LARP1B: variants seen among roughly 807,000 people sequenced by gnomAD.
LARP1B encodes the protein la-related protein 1B.
In LARP1B, 76 loss-of-function variants were observed where a neutral mutation model predicts 114.2. The observed-to-expected ratio is 0.67, with a 90% CI of 0.55 to 0.81. LARP1B has a LOEUF of 0.81. Ranked by LOEUF, LARP1B falls within the 30% of genes least tolerant of loss-of-function variation. LARP1B has a pLI of 0.00. For missense variants in LARP1B, 1,014 were observed against 1,075.8 expected, an observed-to-expected ratio of 0.94 and a Z score of 0.80; for synonymous variants, 345 against 348.0, an observed-to-expected ratio of 0.99 and a Z score of 0.10.
intron 4 of LARP1B, among the ~76,000 whole-genome samples, chr4:128,079,564 A>G (rs1316071107): frequency 2.0e-5 from 3 of 151,546 alleles, no homozygotes; most frequent in African/African-American, 7.3e-5. Flanking sequence ...TTAAATTTAA[A>G]AATGTTTTTA....
chr4:128,089,470 G>A (rs1291472785), intron 5 of LARP1B, among the ~76,000 whole-genome samples: 1 of 151,444 alleles, frequency 6.6e-6, no homozygotes, highest in African/African-American at 2.4e-5. Flanking sequence ...CGAGTAGCTG[G>A]GATTACCGGC....
intron 8 of LARP1B, among the ~76,000 whole-genome samples, chr4:128,099,479 G>T (rs754811468): frequency 2.6e-5 from 4 of 151,818 alleles, no homozygotes; most frequent in Non-Finnish European, 4.4e-5. Flanking sequence ...TAGAGACAGG[G>T]TTTCCCAATG....
chr4:128,213,971 C>G (rs888307450), downstream of LARP1B, among the ~76,000 whole-genome samples: 1 of 151,618 alleles, frequency 6.6e-6, no homozygotes, highest in East Asian at 1.9e-4. Flanking sequence ...CGAAGCAGGG[C>G]GAGGCATTGC....
chr4:128,129,436 A>G (rs1790853968), intron 11 of LARP1B, among the ~76,000 whole-genome samples: 1 of 152,024 alleles, frequency 6.6e-6, no homozygotes, highest in South Asian at 2.1e-4. Flanking sequence ...ATGTCATGTC[A>G]GTTCTTTCCA....
At chr4:128,197,827 T>C (rs1578639840) in intron 15 of LARP1B, among the ~76,000 whole-genome samples, 1 of 151,964 alleles carries the variant, frequency 6.6e-6, no homozygotes, top group Non-Finnish European at 1.5e-5. Context: ...AAGTTGCTAG[T>C]TTGCCTTATA....
chr4:128,162,294 T>C lies in LARP1B; in HGVS notation c.1625T>C (p.Val542Ala). 2 of 1,613,200 alleles carry C rather than the reference T, an allele frequency of 1.2e-6. No individual in the cohort carries two copies. Among genetic ancestry groups the C allele is most frequent in the South Asian group, 2.2e-5 (2 of 91,028 alleles). The change falls in exon 12 of 20, where the codon GTA becomes GCA. Residue 542 changes from valine to alanine, a missense_variant. Physicochemically the swap from Val to Ala is moderately conservative, Grantham distance 64. Transcript: ENST00000326639. ...TTTGAGCCAAACCAAGAAGTTCCTG[T>C]AGCACCTTCACAGTCCAGGCAAGGT... The part of the protein sequence containing the change: ...LPFEPNQEVP[V>A]APSQSRQGGV...
chr4:128,185,736 G>A (rs75670891), intron 15 of LARP1B, among the ~76,000 whole-genome samples: 2,679 of 152,058 alleles, frequency 0.018, 65 homozygotes, highest in East Asian at 0.11. Context: ...TGTGCTTTTA[G>A]CATCTAACAC....
intron 11 of LARP1B, among the ~76,000 whole-genome samples, chr4:128,128,859 C>A (rs963735643): frequency 1.3e-5 from 2 of 152,036 alleles, no homozygotes; most frequent in African/African-American, 4.8e-5. Flanking sequence ...AGGATTACTA[C>A]AAAACCCTGA....
chr4:128,201,237 G>A (rs1755839305), intron 17 of LARP1B, among the ~76,000 whole-genome samples: 1 of 152,198 alleles, frequency 6.6e-6, no homozygotes. Flanking sequence ...AGTCCATACA[G>A]ACCAGTCCTG....
intron 8 of LARP1B, among the ~76,000 whole-genome samples, chr4:128,099,804 C>G (rs775795032): frequency 2.0e-5 from 3 of 151,966 alleles, no homozygotes; most frequent in Non-Finnish European, 4.4e-5. Context: ...ATATGCCTAT[C>G]TTTATAAGAA....
intron 15 of LARP1B, among the ~76,000 whole-genome samples, chr4:128,195,536 A>C (rs1185891867): frequency 5.9e-5 from 9 of 152,184 alleles, no homozygotes; most frequent in African/African-American, 2.2e-4. Flanking sequence ...ACTGTGCTCA[A>C]CATTTTACAT....
intron 1 of LARP1B, among the ~76,000 whole-genome samples, chr4:128,073,813 A>T (rs1766689044): frequency 6.6e-6 from 1 of 150,820 alleles, no homozygotes; most frequent in Non-Finnish European, 1.5e-5. Flanking sequence ...CTGGTCTCAA[A>T]CTCCTGACTC....
At chr4:128,146,115 A>G (rs1730232844) in intron 11 of LARP1B, among the ~76,000 whole-genome samples, 2 of 152,180 alleles carry the variant, frequency 1.3e-5, no homozygotes, top group South Asian at 4.1e-4. Context: ...TCTAATACAC[A>G]TCAGTTCCAT....
At chr4:128,117,238 C>T (rs1350100994) in intron 10 of LARP1B, among the ~76,000 whole-genome samples, 2 of 149,682 alleles carry the variant, frequency 1.3e-5, no homozygotes, top group Non-Finnish European at 3.0e-5. Flanking sequence ...GAGTCTTGCT[C>T]TTGTTGCCCA....
intron 12 of LARP1B, among the ~76,000 whole-genome samples, chr4:128,174,320 ATATAT>A (rs1447165794): frequency 7.9e-5 from 12 of 151,968 alleles, no homozygotes; most frequent in African/African-American, 2.9e-4. Flanking sequence ...AAAAATGTTA[ATATAT>A]TCTTGTTTCC....
At chr4:128,067,054 C>T (rs188674811) in intron 1 of LARP1B, among the ~76,000 whole-genome samples, 7 of 151,756 alleles carry the variant, frequency 4.6e-5, no homozygotes, top group Non-Finnish European at 1.0e-4. Flanking sequence ...TTGATGCGCC[C>T]GCTTCGGCCT....
At chr4:128,083,018 C>CT (rs1553997373) in intron 5 of LARP1B, among the ~76,000 whole-genome samples, 1 of 151,824 alleles carries the variant, frequency 6.6e-6, no homozygotes, top group African/African-American at 2.4e-5. Flanking sequence ...GGTGATGATT[C>CT]TTAACGAGCA....
intron 11 of LARP1B, among the ~76,000 whole-genome samples, chr4:128,147,279 G>A (rs977633619): frequency 3.9e-5 from 6 of 152,140 alleles, no homozygotes; most frequent in Admixed American, 2.6e-4. Flanking sequence ...AAGATCGCCT[G>A]GTTTCTTTGC....
At chr4:128,200,751 GT>G in intron 17 of LARP1B, 86 bp downstream of exon 17, 2 of 961,206 alleles carry the variant, frequency 2.1e-6, no homozygotes, top group Non-Finnish European at 3.0e-6. Flanking sequence ...GATAGAGGGA[GT>G]TTTTAGAAAA....
Sources: gnomAD v4.1 joint callset for allele counts (sites outside exome capture counted in the v4.1 genomes callset) on GRCh38, gnomAD v4.1.1 for gene constraint, MANE v1.5 for transcripts, NCBI Gene and HGNC (gene_info 2026-07-23, HGNC 2026-07-21) for gene names.